Variants in TACC2 observed in about 807,000 individuals in gnomAD.
The protein encoded by TACC2 is transforming acidic coiled-coil containing protein 2, also known as transforming acidic coiled-coil-containing protein 2.
A neutral mutation model predicts 227.3 loss-of-function variants in TACC2; 137 were observed. That is an observed-to-expected ratio of 0.60 (90% CI 0.52 to 0.69). TACC2 has a LOEUF of 0.69. TACC2 is among the 30% of genes least tolerant of loss of function. The pLI is 0.00. For synonymous variants in TACC2, 1,523 were observed against 1,487.5 expected (o/e 1.02, Z -0.55); for missense variants, 3,470 against 3,694.4 (o/e 0.94, Z 1.57).
intron 3 of TACC2, among the ~76,000 whole-genome samples, chr10:122,066,569 A>G (rs1415857595): frequency 6.6e-6 from 1 of 151,998 alleles, no homozygotes; most frequent in African/African-American, 2.4e-5. Context: ...GCCCAGCTTA[A>G]TTTTTGTATT....
chr10:122,179,511 G>A (rs1346509512), intron 7 of TACC2, among the ~76,000 whole-genome samples: 1 of 152,192 alleles, frequency 6.6e-6, no homozygotes, highest in Non-Finnish European at 1.5e-5. Flanking sequence ...TTTCCTTGAT[G>A]CCCTTCACTT....
intron 7 of TACC2, among the ~76,000 whole-genome samples, chr10:122,159,456 C>T (rs1484033053): frequency 2.0e-5 from 3 of 152,242 alleles, no homozygotes; most frequent in African/African-American, 7.2e-5. Flanking sequence ...TCAGGCCACA[C>T]AGCTTCCCAG....
At chr10:122,007,805 C>G (rs1288834576) in intron 1 of TACC2, among the ~76,000 whole-genome samples, 2 of 152,114 alleles carry the variant, frequency 1.3e-5, no homozygotes, top group Non-Finnish European at 2.9e-5. Context: ...CCCAATGTGG[C>G]AGCATTGAAA....
intron 16 of TACC2, 98 bp downstream of exon 16, chr10:122,230,538 A>G: frequency 9.1e-7 from 1 of 1,103,216 alleles, no homozygotes; most frequent in Non-Finnish European, 1.4e-6. Flanking sequence ...GGCGGGCATC[A>G]TCGGTGTCCA....
intron 6 of TACC2, among the ~76,000 whole-genome samples, chr10:122,142,920 C>G (rs1056916342): frequency 1.3e-5 from 2 of 152,196 alleles, no homozygotes; most frequent in African/African-American, 4.8e-5. Flanking sequence ...CAAGCCTGTG[C>G]CTTTTGGCTT....
chr10:122,151,723 C>T (rs1369794330), intron 7 of TACC2, among the ~76,000 whole-genome samples: 1 of 152,164 alleles, frequency 6.6e-6, no homozygotes, highest in Non-Finnish European at 1.5e-5. Flanking sequence ...GAAGTTGTTC[C>T]TGTGGTCCAA....
At chr10:122,168,137 T>C (rs2093289430) in intron 7 of TACC2, among the ~76,000 whole-genome samples, 1 of 149,480 alleles carries the variant, frequency 6.7e-6, no homozygotes, top group Non-Finnish European at 1.5e-5. Context: ...ACTCCTGGGC[T>C]CAAGTGAGCC....
intron 7 of TACC2, among the ~76,000 whole-genome samples, chr10:122,193,023 G>A (rs892228157): frequency 6.6e-5 from 10 of 152,160 alleles, no homozygotes; most frequent in African/African-American, 1.7e-4. Flanking sequence ...GTGCAAGTGC[G>A]GATCTTTCCT....
intron 7 of TACC2, among the ~76,000 whole-genome samples, chr10:122,176,366 T>C (rs1287006498): frequency 3.9e-5 from 6 of 151,974 alleles, no homozygotes; most frequent in Non-Finnish European, 7.4e-5. Context: ...TTCCTGAAAT[T>C]CTCCCTTCAG....
At chr10:122,055,028 C>T (rs981349126) in intron 3 of TACC2, among the ~76,000 whole-genome samples, 9 of 152,018 alleles carry the variant, frequency 5.9e-5, no homozygotes, top group Admixed American at 2.6e-4. Context: ...GGGACCAGCC[C>T]GGGCAACACA....
intron 5 of TACC2, among the ~76,000 whole-genome samples, chr10:122,099,085 C>A (rs554828420): frequency 6.6e-6 from 1 of 152,134 alleles, no homozygotes; most frequent in African/African-American, 2.4e-5. Context: ...TGGGACAAAC[C>A]GCCTCGACAA....
intron 5 of TACC2, among the ~76,000 whole-genome samples, chr10:122,108,803 G>A (rs569313312): frequency 5.3e-5 from 8 of 151,276 alleles, no homozygotes; most frequent in African/African-American, 1.2e-4. Context: ...GTGCGATCCC[G>A]GCTCACTGCA....
chr10:122,185,388 G>T lies in TACC2; in HGVS notation c.5835-9652G>T, dbSNP rs2094149937. ...TTTTTGTATTTTTAGTAGAGATGGG[G>T]TTTCTCCATGTTGGCCAGGCTGGTC... On this transcript the variant is annotated intron_variant, in intron 7 of 22. Transcript: ENST00000369005. Among the ~76,000 whole-genome samples, 6 of 151,550 alleles carry T rather than the reference G, an allele frequency of 4.0e-5. 1 individual carries two copies. The highest frequency in any genetic ancestry group is 3.9e-4 in the Admixed American group (6 of 15,246).
At chr10:122,078,195 C>CAAAAAAA (rs1175837364) in intron 3 of TACC2, among the ~76,000 whole-genome samples, 1 of 37,656 alleles carries the variant, frequency 2.7e-5, no homozygotes, top group Non-Finnish European at 4.8e-5. Context: ...ACTCCATCTC[C>CAAAAAAA]AAAAAAAAAA....
intron 18 of TACC2, chr10:122,241,655 T>C: frequency 2.2e-6 from 1 of 447,672 alleles, no homozygotes; most frequent in East Asian, 3.7e-5. Context: ...CTCAAAATCC[T>C]AGCCTTAAGT....
intron 11 of TACC2, among the ~76,000 whole-genome samples, chr10:122,221,154 A>G (rs1005045098): frequency 6.6e-6 from 1 of 152,264 alleles, no homozygotes; most frequent in Non-Finnish European, 1.5e-5. Flanking sequence ...TTGGGCTGTA[A>G]TTGTATCAAC....
intron 7 of TACC2, among the ~76,000 whole-genome samples, chr10:122,159,144 T>G (rs557694764): frequency 1.1e-4 from 17 of 152,116 alleles, no homozygotes; most frequent in African/African-American, 4.1e-4. Context: ...TTGAGAGAGA[T>G]GCAGAAGTTG....
chr10:122,009,501 C>T (rs1002301605), intron 1 of TACC2, among the ~76,000 whole-genome samples: 6 of 126,192 alleles, frequency 4.8e-5, no homozygotes, highest in Admixed American at 2.3e-4. Flanking sequence ...GAGACTCCCT[C>T]TCAACAAAAG....
chr10:122,241,769 T>C (rs17559976), intron 18 of TACC2, 189 bp from the exon 19 acceptor site: 21,166 of 620,126 alleles, frequency 0.034, 462 homozygotes, highest in Non-Finnish European at 0.047. Context: ...GTTGAAGGCT[T>C]TGCACAAGGG....
Sources: gnomAD v4.1 joint callset for allele counts (sites outside exome capture counted in the v4.1 genomes callset) on GRCh38, gnomAD v4.1.1 for gene constraint, MANE v1.5 for transcripts, NCBI Gene and HGNC (gene_info 2026-07-23, HGNC 2026-07-21) for gene names.